Variants in CLGN observed in about 807,000 individuals in gnomAD.
CLGN encodes calmegin.
A neutral mutation model predicts 79.1 loss-of-function variants in CLGN; 62 were observed. That is an observed-to-expected ratio of 0.78 (90% confidence interval 0.64 to 0.97). The LOEUF (loss-of-function observed/expected upper bound fraction) is 0.97. Ranked by LOEUF, CLGN falls within the 50% of genes least tolerant of loss-of-function variation. The pLI, the probability that CLGN is intolerant of heterozygous loss-of-function variation, is 0.00. For synonymous variants in CLGN, 225 were observed against 224.7 expected (o/e 1.00, Z -0.01); for missense variants, 647 against 715.5 (o/e 0.90, Z 1.09).
At chr4:140,392,778 A>G (rs1223112262) in intron 11 of CLGN, 67 bp from the exon 12 acceptor site, 5 of 1,421,356 alleles carry the variant, frequency 3.5e-6, no homozygotes, top group Non-Finnish European at 3.7e-6. Flanking sequence ...AACACAAGAT[A>G]CAAAAAAACT....
chr4:140,392,728 C>T lies in CLGN; in HGVS notation c.1366-17G>A. On this transcript the variant is annotated splice_polypyrimidine_tract_variant and intron_variant, in intron 11 of 14. Transcript: ENST00000325617. Reference sequence around the variant, plus strand: ...TACACCAGGCTATAGACGAGATAAGCATAAAAATGCAATTCAAATTTTACA... The same window carrying T: ...TACACCAGGCTATAGACGAGATAAGTATAAAAATGCAATTCAAATTTTACA... 6.5e-7 allele frequency: 1 copy of T among 1,542,492 alleles called. No homozygotes were observed. The highest frequency in any genetic ancestry group is 8.7e-7 in the Non-Finnish European group (1 of 1,150,200).
intron 4 of CLGN, among the ~76,000 whole-genome samples, chr4:140,407,014 TTTTC>T (rs1729121459): frequency 6.6e-6 from 1 of 152,284 alleles, no homozygotes; most frequent in South Asian, 2.1e-4. Context: ...ATATCATTTT[TTTTC>T]TTTCTAAGAA....
In CLGN at chr4:140,393,813, GT is replaced by G; in HGVS notation, c.1365+12del. The G allele has an allele frequency of 6.2e-7, 1 of 1,610,366 alleles. No individual in the cohort carries two copies. Among genetic ancestry groups the G allele is most frequent in the South Asian group, 1.1e-5 (1 of 90,836 alleles). On this transcript the variant is annotated intron_variant, in intron 11 of 14. Coordinates refer to ENST00000325617, the MANE Select transcript of CLGN (RefSeq NM_004362.3). Reference sequence around the variant, plus strand: ...CATAGTTATATCACTACTGCTATTGGTCAACACCATACCTTATTAGCATTTG... The same window carrying G: ...CATAGTTATATCACTACTGCTATTGGCAACACCATACCTTATTAGCATTTG...
At chr4:140,407,184 T>A (rs1017169148) in intron 4 of CLGN, among the ~76,000 whole-genome samples, 4 of 152,120 alleles carry the variant, frequency 2.6e-5, no homozygotes, top group Non-Finnish European at 2.9e-5. Flanking sequence ...CATATTATAT[T>A]TTTTTGAAAA....
Position 140,396,720 on chromosome 4 carries a change from C to A in CLGN, c.885-515G>T, listed in dbSNP as rs1296842568. Among the ~76,000 whole-genome samples the A allele has an allele frequency of 2.0e-5, 3 of 151,410 alleles. No individual in the cohort carries two copies. In the East Asian group the frequency reaches 5.8e-4, roughly 29 times the overall value. On this transcript the variant is annotated intron_variant, in intron 8 of 14. Coordinates refer to ENST00000325617, the MANE Select transcript of CLGN (RefSeq NM_004362.3). The stretch of plus-strand genomic sequence containing the variant: ...TACAGGCACCTGCCACCACGCCTGG[C>A]TAAGTTTTTGTATTTTTAGTAGAGA...
intron 1 of CLGN, among the ~76,000 whole-genome samples, chr4:140,419,384 T>G (rs1419972087): frequency 6.6e-6 from 1 of 152,056 alleles, no homozygotes; most frequent in Non-Finnish European, 1.5e-5. Flanking sequence ...AAGATGATAG[T>G]AGTTATCAAA....
intron 10 of CLGN, 60 bp from the exon 11 acceptor site, chr4:140,394,101 T>A: frequency 8.3e-7 from 1 of 1,207,116 alleles, no homozygotes; most frequent in Admixed American, 2.0e-5. Flanking sequence ...AAATGCTGCT[T>A]AATAAGTAGC....
chr4:140,413,790 G>A (rs1187768380), intron 1 of CLGN, among the ~76,000 whole-genome samples: 2 of 152,226 alleles, frequency 1.3e-5, no homozygotes, highest in Admixed American at 1.3e-4. Flanking sequence ...AGGGGCGCCC[G>A]CCATTGCCCA....
At position 140,410,183 on chromosome 4, in the gene CLGN, CT is replaced by C. The variant is rs953864181; in HGVS notation, c.219-289del. On this transcript the variant is annotated intron_variant, in intron 3 of 14. Transcript: ENST00000325617. ...GGGGATTAAATATGGTAATTATCTA[CT>C]TTTTTTAAGGACATCTGACACATAA... 2.5e-4 allele frequency among the ~76,000 whole-genome samples: 38 copies of C among 151,978 alleles called. 1 individual carries two copies. The South Asian group carries it at 6.4e-3, about 26-fold the overall frequency.
chr4:140,401,112 T>A (rs933239939), intron 6 of CLGN, among the ~76,000 whole-genome samples: 2 of 152,148 alleles, frequency 1.3e-5, no homozygotes, highest in Non-Finnish European at 2.9e-5. Context: ...TCACCCTGAC[T>A]CAAATTTTTT....
rs891023907 is a variant in CLGN at position 140,402,061 on chromosome 4, T to C, written c.425A>G (p.Glu142Gly). The C allele has an allele frequency of 3.2e-6, 5 of 1,552,506 alleles. No individual in the cohort carries two copies. In the African/African-American group the frequency reaches 6.9e-5, roughly 21 times the overall value. Residue 142 changes from glutamate (E) to glycine (G), a missense_variant, in exon 6 of 15, where the codon GAA becomes GGA. Coordinates refer to ENST00000325617, the MANE Select transcript of CLGN (RefSeq NM_004362.3). Reference protein sequence around the residue: ...FADKPLIVQYEVNFQDGIDCG... With the variant: ...FADKPLIVQYGVNFQDGIDCG... ...ATCAATACCATCTTGAAAATTTACT[T>C]CATATCTGAATAAAGGGAAAAAGAA...
intron 5 of CLGN, among the ~76,000 whole-genome samples, chr4:140,404,657 T>C (rs979018842): frequency 2.0e-5 from 3 of 150,274 alleles, no homozygotes; most frequent in African/African-American, 7.5e-5. Flanking sequence ...TTTTTTTTCT[T>C]TCTTTCTTTT....
chr4:140,412,925 A>G lies in CLGN; in HGVS notation c.144+10T>C. On this transcript the variant is annotated intron_variant, in intron 2 of 14. Transcript: ENST00000325617. The stretch of plus-strand genomic sequence containing the variant: ...GGAATAATTTATAACCCATTTCTCA[A>G]TAACCATACCTCTGAGGAAAGTTCA... 1 of 1,610,838 alleles carries G rather than the reference A, an allele frequency of 6.2e-7. No homozygotes were observed. The highest frequency in any genetic ancestry group is 8.5e-7 in the Non-Finnish European group (1 of 1,177,984).
intron 10 of CLGN, among the ~76,000 whole-genome samples, chr4:140,395,548 T>C (rs1304805882): frequency 6.6e-6 from 1 of 152,206 alleles, no homozygotes; most frequent in African/African-American, 2.4e-5. Context: ...AAAATTCACT[T>C]CTTATATTTA....
chr4:140,390,196 T>G (rs1728746022), intron 14 of CLGN, among the ~76,000 whole-genome samples: 1 of 151,766 alleles, frequency 6.6e-6, no homozygotes, highest in Admixed American at 6.6e-5. Context: ...ATCAGGCAGA[T>G]AGTACTCAAC....
At chr4:140,400,330 A>C in intron 7 of CLGN, 27 bp downstream of exon 7, 1 of 1,502,668 alleles carries the variant, frequency 6.7e-7, no homozygotes, top group Non-Finnish European at 9.1e-7. Context: ...ATATTTTTGA[A>C]TACATGAATG....
rs1728720096 is a variant in CLGN, at chr4:140,388,707, A to G, written c.*517T>C. 1.3e-5 allele frequency: 2 copies of G among 152,378 alleles called. No homozygotes were observed. Among genetic ancestry groups the G allele is most frequent in the Admixed American group, 1.3e-4 (2 of 15,310 alleles). 9.4% of individuals were successfully genotyped at this position (152,378 alleles called of 1,614,324 possible). ...TTTAAGCAAACAACTCACTGTAACT[A>G]TAATTTGACACAAACTAGGTAAATG... On this transcript the variant is annotated 3_prime_UTR_variant, in exon 15 of 15. Coordinates refer to ENST00000325617, the MANE Select transcript of CLGN (RefSeq NM_004362.3).
At chr4:140,413,836 G>T (rs970118427) in intron 1 of CLGN, among the ~76,000 whole-genome samples, 24 of 152,150 alleles carry the variant, frequency 1.6e-4, no homozygotes, top group Non-Finnish European at 2.8e-4. Flanking sequence ...CTGGAAGCTC[G>T]AACTGGGCGG....
intron 1 of CLGN, among the ~76,000 whole-genome samples, chr4:140,413,299 C>T (rs1729249015): frequency 6.6e-6 from 1 of 152,108 alleles, no homozygotes; most frequent in Admixed American, 6.5e-5. Context: ...AGCTGCAGGC[C>T]TTCATCCAAA....
Sources: gnomAD v4.1 joint callset for allele counts (sites outside exome capture counted in the v4.1 genomes callset) on GRCh38, gnomAD v4.1.1 for gene constraint, MANE v1.5 for transcripts, NCBI Gene and HGNC (gene_info 2026-07-23, HGNC 2026-07-21) for gene names.